DPYD: variants seen among roughly 807,000 people sequenced by gnomAD.
DPYD encodes dihydropyrimidine dehydrogenase [NADP(+)].
DPYD carries 109 observed loss-of-function variants against 116.2 expected under a neutral mutation model. The observed-to-expected ratio is 0.94, with a 90% CI of 0.80 to 1.10. DPYD has a LOEUF of 1.10. Among genes scored for constraint, DPYD ranks in the 50% least tolerant of loss-of-function variants. DPYD has a pLI of 0.00. For synonymous variants in DPYD, 440 were observed against 432.0 expected (o/e 1.02, Z -0.23); for missense variants, 1,302 against 1,254.5 (o/e 1.04, Z -0.57).
chr1:97,745,445 C>A (rs1474096235), intron 3 of DPYD, among the ~76,000 whole-genome samples: 2 of 152,012 alleles, frequency 1.3e-5, no homozygotes, highest in African/African-American at 4.8e-5. Flanking sequence ...TAGAACAGAA[C>A]ACAATTCACA....
chr1:97,511,204 G>GACTATTATTTTT (rs1553186477), intron 13 of DPYD, among the ~76,000 whole-genome samples: 3 of 151,932 alleles, frequency 2.0e-5, no homozygotes, highest in Admixed American at 1.3e-4. Context: ...AACTTTCTCA[G>GACTATTATTTTT]ACTATTATTT....
chr1:97,915,985 C>T lies in DPYD; in HGVS notation c.39+4899G>A, dbSNP rs142366235. Reference sequence around the variant, plus strand: ...TACGCTAATTATTAGAATTCTCCCACAGTGATCAGACATCTTTATTTTACT... The same window carrying T: ...TACGCTAATTATTAGAATTCTCCCATAGTGATCAGACATCTTTATTTTACT... On this transcript the variant is annotated intron_variant, in intron 1 of 22. Coordinates refer to ENST00000370192, the MANE Select transcript of DPYD (RefSeq NM_000110.4). Among the ~76,000 whole-genome samples, 58 of 152,186 alleles carry T rather than the reference C, an allele frequency of 3.8e-4. No individual in the cohort carries two copies. The East Asian group carries it at 7.7e-3, about 20-fold the overall frequency.
At chr1:97,542,542 CTTG>C (rs1272863568) in intron 12 of DPYD, among the ~76,000 whole-genome samples, 6 of 152,000 alleles carry the variant, frequency 3.9e-5, no homozygotes, top group Non-Finnish European at 8.8e-5. Context: ...AATTTTGTTT[CTTG>C]TTGTTTGTGA....
chr1:97,814,913 A>AG (rs1668502504), intron 3 of DPYD, among the ~76,000 whole-genome samples: 2 of 35,052 alleles, frequency 5.7e-5, no homozygotes, highest in African/African-American at 7.4e-5. Flanking sequence ...CAAAAAAAAA[A>AG]AAAAAAAAGA....
rs141128958 is a variant in DPYD at position 97,680,767 on chromosome 1, T to C, written c.763-1585A>G. Among the ~76,000 whole-genome samples, 353 of 152,228 alleles carry C rather than the reference T, an allele frequency of 2.3e-3. 4 individuals carry two copies. The highest frequency in any genetic ancestry group is 8.1e-3 in the African/African-American group (338 of 41,548). Reference sequence around the variant, plus strand: ...GAATATGCTGGAAACTGTTAAGATATCTGCACTCCAGTGGGTGGAAGATGA... The same window carrying C: ...GAATATGCTGGAAACTGTTAAGATACCTGCACTCCAGTGGGTGGAAGATGA... On this transcript the variant is annotated intron_variant, in intron 7 of 22. Coordinates refer to ENST00000370192, the MANE Select transcript of DPYD (RefSeq NM_000110.4).
intron 18 of DPYD, among the ~76,000 whole-genome samples, chr1:97,256,610 G>A (rs1346372210): frequency 6.6e-6 from 1 of 152,102 alleles, no homozygotes; most frequent in African/African-American, 2.4e-5. Flanking sequence ...CCCCAGCCAT[G>A]TGGAACTGTG....
chr1:97,595,200 G>A, intron 8 of DPYD, 34 bp from the exon 9 acceptor site: 1 of 1,553,410 alleles, frequency 6.4e-7, no homozygotes. Flanking sequence ...ATCATTAGCA[G>A]GAGGAGGGGC....
chr1:97,094,377 T>C lies in DPYD; in HGVS notation c.2766+4112A>G, dbSNP rs915520669. Among the ~76,000 whole-genome samples the C allele has an allele frequency of 2.0e-5, 3 of 152,124 alleles. No individual in the cohort carries two copies. In the East Asian group the frequency reaches 5.8e-4, roughly 29 times the overall value. On this transcript the variant is annotated intron_variant, in intron 21 of 22. Transcript: ENST00000370192. ...ACAAAAGAAAGCAGGACAGTTAATA[T>C]AATGTTTTAGAATTCCAGGAAAGAA...
intron 14 of DPYD, among the ~76,000 whole-genome samples, chr1:97,432,677 G>C (rs747074884): frequency 1.2e-3 from 185 of 152,000 alleles, no homozygotes; most frequent in Non-Finnish European, 2.0e-3. Flanking sequence ...AGTGCCAGAT[G>C]GTTTCTGTAA....
At chr1:97,759,986 C>T (rs1242063695) in intron 3 of DPYD, among the ~76,000 whole-genome samples, 1 of 152,006 alleles carries the variant, frequency 6.6e-6, no homozygotes, top group Non-Finnish European at 1.5e-5. Flanking sequence ...TGGGAAGAAA[C>T]AAGATAAATG....
At chr1:97,570,708 T>C (rs1281396465) in intron 11 of DPYD, among the ~76,000 whole-genome samples, 1 of 151,830 alleles carries the variant, frequency 6.6e-6, no homozygotes, top group African/African-American at 2.4e-5. Context: ...GTAAATCTGA[T>C]AAGGTGAACT....
At chr1:97,264,060 G>A (rs564186799) in intron 18 of DPYD, among the ~76,000 whole-genome samples, 1 of 149,602 alleles carries the variant, frequency 6.7e-6, no homozygotes, top group Admixed American at 6.7e-5. Context: ...CTGCAACAAT[G>A]AGAATCAGGC....
At chr1:97,233,901 C>T (rs780316991) in intron 19 of DPYD, among the ~76,000 whole-genome samples, 5 of 152,172 alleles carry the variant, frequency 3.3e-5, no homozygotes, top group Non-Finnish European at 5.9e-5. Context: ...CAGAAGTCTG[C>T]CTCCATTAGC....
intron 8 of DPYD, among the ~76,000 whole-genome samples, chr1:97,618,870 T>C (rs1197448976): frequency 1.3e-5 from 2 of 152,162 alleles, no homozygotes; most frequent in Non-Finnish European, 2.9e-5. Context: ...TTTGGTGAGC[T>C]CACCACATAA....
At chr1:97,654,584 A>G (rs952737619) in intron 8 of DPYD, among the ~76,000 whole-genome samples, 1 of 152,162 alleles carries the variant, frequency 6.6e-6, no homozygotes, top group African/African-American at 2.4e-5. Context: ...AATCTCCAAT[A>G]CATATTATTT....
At chr1:97,376,833 T>C (rs1040865720) in intron 15 of DPYD, among the ~76,000 whole-genome samples, 2 of 148,346 alleles carry the variant, frequency 1.3e-5, no homozygotes, top group Non-Finnish European at 3.0e-5. Context: ...TATCTATTTA[T>C]CATCCATCTA....
chr1:97,316,920 T>A (rs182096588), intron 16 of DPYD, among the ~76,000 whole-genome samples: 2 of 151,686 alleles, frequency 1.3e-5, no homozygotes, highest in African/African-American at 4.8e-5. Context: ...TCTATTTCCC[T>A]TGTCTTTAAT....
At chr1:97,693,140 A>C (rs1177695748) in intron 6 of DPYD, among the ~76,000 whole-genome samples, 1 of 151,700 alleles carries the variant, frequency 6.6e-6, no homozygotes, top group African/African-American at 2.4e-5. Context: ...AATACAAAAA[A>C]ATTAGCCAGG....
At chr1:97,877,805 G>C (rs1230310505) in intron 2 of DPYD, among the ~76,000 whole-genome samples, 1 of 151,754 alleles carries the variant, frequency 6.6e-6, no homozygotes, top group African/African-American at 2.4e-5. Context: ...GTCAATGGAG[G>C]GACATATATT....
Sources: gnomAD v4.1 joint callset for allele counts (sites outside exome capture counted in the v4.1 genomes callset) on GRCh38, gnomAD v4.1.1 for gene constraint, MANE v1.5 for transcripts, NCBI Gene and HGNC (gene_info 2026-07-23, HGNC 2026-07-21) for gene names.